NT5C2: variants seen among roughly 807,000 people sequenced by gnomAD.
NT5C2 encodes the protein 5'-nucleotidase, cytosolic II.
In NT5C2, 58 loss-of-function variants were observed where a neutral mutation model predicts 76.1. The ratio of observed to expected loss-of-function variants is 0.76; its 90% CI spans 0.62 to 0.95. The LOEUF (loss-of-function observed/expected upper bound fraction) is 0.95, where lower values mean the gene tolerates loss of function less well. Ranked by LOEUF, NT5C2 falls within the 40% of genes least tolerant of loss-of-function variation. The pLI is 0.00. For missense variants in NT5C2, 478 were observed against 690.3 expected, an observed-to-expected ratio of 0.69 and a Z score of 3.45; for synonymous variants, 229 against 237.4, an observed-to-expected ratio of 0.96 and a Z score of 0.32.
At chr10:103,123,082 T>C (rs1237838607) in intron 4 of NT5C2, among the ~76,000 whole-genome samples, 1 of 152,204 alleles carries the variant, frequency 6.6e-6, no homozygotes, top group Non-Finnish European at 1.5e-5. Flanking sequence ...TTCTTTCCCC[T>C]ACACTACATA....
In NT5C2 at chr10:103,156,785, C is replaced by T. The variant is rs914741991; in HGVS notation, c.102-17306G>A. 2.6e-5 allele frequency among the ~76,000 whole-genome samples: 4 copies of T among 151,236 alleles called. No individual in the cohort carries two copies. In the South Asian group the frequency reaches 8.3e-4, roughly 32 times the overall value. Reference sequence around the variant, plus strand: ...AAAAAAAACTTTCAAGGGCCAGGTACAGTGGCTCACGCCTGTAATCCCAGC... The same window carrying T: ...AAAAAAAACTTTCAAGGGCCAGGTATAGTGGCTCACGCCTGTAATCCCAGC... On this transcript the variant is annotated intron_variant, in intron 3 of 18. Transcript: ENST00000404739.
intron 3 of NT5C2, among the ~76,000 whole-genome samples, chr10:103,147,331 A>G (rs1489285869): frequency 6.6e-6 from 1 of 152,254 alleles, no homozygotes; most frequent in African/African-American, 2.4e-5. Context: ...GGCTGTAGTA[A>G]TCAAAGTGAG....
intron 8 of NT5C2, among the ~76,000 whole-genome samples, chr10:103,100,461 C>T (rs2069286281): frequency 6.6e-6 from 1 of 152,100 alleles, no homozygotes; most frequent in Non-Finnish European, 1.5e-5. Flanking sequence ...TTAGTGTCTT[C>T]AAGTGGATAA....
At chr10:103,098,191 T>C (rs1383083671) in intron 10 of NT5C2, 3 of 412,106 alleles carry the variant, frequency 7.3e-6, no homozygotes, top group South Asian at 1.9e-5. Context: ...AAATAAAGAG[T>C]TCCCATATAT....
In NT5C2 at chr10:103,094,056, A is replaced by ATT. The variant is rs778957339; in HGVS notation, c.922-20_922-19dup. ...CCAGTTTTCTGTATGAAGAATATGG[A>ATT]TTTTGTAATACTTTATCATCCTATC... is the stretch of plus-strand genomic sequence containing the variant. On this transcript the variant is annotated intron_variant, in intron 13 of 18. Transcript: ENST00000404739. 6.3e-7 allele frequency: 1 copy of ATT among 1,598,584 alleles called. No individual in the cohort carries two copies. Among genetic ancestry groups the ATT allele is most frequent in the Admixed American group, 1.7e-5 (1 of 59,968 alleles).
intron 3 of NT5C2, among the ~76,000 whole-genome samples, chr10:103,151,675 T>G (rs2082430291): frequency 6.6e-6 from 1 of 152,168 alleles, no homozygotes; most frequent in South Asian, 2.1e-4. Context: ...CTATTAATCT[T>G]TTCCTATTAC....
At chr10:103,154,885 T>C (rs1037572154) in intron 3 of NT5C2, among the ~76,000 whole-genome samples, 2 of 152,216 alleles carry the variant, frequency 1.3e-5, no homozygotes, top group Non-Finnish European at 2.9e-5. Flanking sequence ...CAACTTCCCA[T>C]GGATTCCCTA....
intron 18 of NT5C2, chr10:103,090,209 G>A (rs903433250): frequency 2.8e-6 from 1 of 356,362 alleles, no homozygotes; most frequent in African/African-American, 2.1e-5. Context: ...CAGAATAAAG[G>A]AATGTAAAAA....
chr10:103,163,312 G>A (rs1380735595), intron 3 of NT5C2, among the ~76,000 whole-genome samples: 1 of 152,140 alleles, frequency 6.6e-6, no homozygotes, highest in African/African-American at 2.4e-5. Flanking sequence ...TGGGATTTCT[G>A]GGTCATTAAT....
At chr10:103,096,897 G>A (rs993962045) in intron 11 of NT5C2, among the ~76,000 whole-genome samples, 14 of 139,718 alleles carry the variant, frequency 1.0e-4, no homozygotes, top group Non-Finnish European at 2.0e-4. Context: ...ACAGCTAAGA[G>A]CCAAAACATC....
rs1305679810 is a variant in NT5C2 at position 103,100,009 on chromosome 10, C to G, written c.550G>C (p.Gly184Arg). The change falls in exon 9 of 19, where the codon GGA becomes CGA. Residue 184 changes from glycine (G) to arginine (R), a missense_variant. Gly to Arg is a moderately radical substitution (Grantham distance 125). Transcript: ENST00000404739. The part of the protein sequence containing the change: ...NCPRYTSCET[G>R]FKDGDLFMSY... ...ATGAAGAGGTCCCCATCTTTAAATC[C>G]TGTTTCACAACTACAGAAAGATAAA... The G allele has an allele frequency of 2.6e-5, 41 of 1,605,244 alleles. No individual in the cohort carries two copies. The highest frequency in any genetic ancestry group is 3.5e-5 in the Non-Finnish European group (41 of 1,172,576).
chr10:103,151,739 T>C (rs1457784013), intron 3 of NT5C2, among the ~76,000 whole-genome samples: 1 of 152,182 alleles, frequency 6.6e-6, no homozygotes, highest in Non-Finnish European at 1.5e-5. Context: ...TAAATGTCAA[T>C]ATTGCACTTA....
intron 3 of NT5C2, among the ~76,000 whole-genome samples, chr10:103,147,967 G>A (rs2081768977): frequency 6.6e-6 from 1 of 152,078 alleles, no homozygotes; most frequent in African/African-American, 2.4e-5. Context: ...TGAATTGAAT[G>A]ATACGTGAAT....
chr10:103,140,371 A>G (rs531150392), intron 3 of NT5C2, among the ~76,000 whole-genome samples: 40 of 152,322 alleles, frequency 2.6e-4, no homozygotes, highest in Admixed American at 2.3e-3. Context: ...TGCAAACGGT[A>G]GAATCTCCTT....
intron 4 of NT5C2, among the ~76,000 whole-genome samples, chr10:103,127,110 T>C (rs1013890567): frequency 1.3e-5 from 2 of 152,198 alleles, no homozygotes; most frequent in Non-Finnish European, 2.9e-5. Context: ...GCCAGTGCCT[T>C]TAGCTGCTGT....
chr10:103,192,563 T>C (rs2092716649), intron 1 of NT5C2, among the ~76,000 whole-genome samples: 1 of 152,240 alleles, frequency 6.6e-6, no homozygotes, highest in Non-Finnish European at 1.5e-5. Context: ...CTCAGCCCCC[T>C]GACCAGGAGC....
At chr10:103,142,984 A>G (rs1305167161) in intron 3 of NT5C2, among the ~76,000 whole-genome samples, 3 of 147,178 alleles carry the variant, frequency 2.0e-5, no homozygotes, top group Non-Finnish European at 4.5e-5. Flanking sequence ...GCAAGATTCC[A>G]TCAAAAAAAA....
intron 15 of NT5C2, among the ~76,000 whole-genome samples, 200 bp from the exon 16 acceptor site, chr10:103,091,815 C>T (rs1023028195): frequency 1.3e-5 from 2 of 152,146 alleles, no homozygotes; most frequent in African/African-American, 4.8e-5. Flanking sequence ...AGATGAACAC[C>T]ATCACCTTCT....
Position 103,094,448 on chromosome 10 carries a change from C to G in NT5C2, c.821G>C (p.Ser274Thr). The G allele has an allele frequency of 6.2e-7, 1 of 1,606,576 alleles. No homozygotes were observed. The highest frequency in any genetic ancestry group is 8.5e-7 in the Non-Finnish European group (1 of 1,173,356). ...GTAGGACTGCCATGGTCGATGGGAG[C>G]TCCCAGGCTGGTGAAGGAGAAACAG... ...FDFPHGPKPG[S>T]SHRPWQSYFD... The change falls in exon 13 of 19, where the codon AGC becomes ACC. Residue 274 changes from serine to threonine, a missense_variant. Transcript: ENST00000404739.
Sources: gnomAD v4.1 joint callset for allele counts (sites outside exome capture counted in the v4.1 genomes callset) on GRCh38, gnomAD v4.1.1 for gene constraint, MANE v1.5 for transcripts, NCBI Gene and HGNC (gene_info 2026-07-23, HGNC 2026-07-21) for gene names.